LMO7: variants seen among roughly 807,000 people sequenced by gnomAD.
The protein encoded by LMO7 is LIM domain 7.
A neutral mutation model predicts 206.5 loss-of-function variants in LMO7; 120 were observed. The observed-to-expected ratio is 0.58, with a 90% CI of 0.50 to 0.68. The LOEUF is 0.68. Ranked by LOEUF, LMO7 falls within the 30% of genes least tolerant of loss-of-function variation. LMO7 has a pLI of 0.00. For missense variants in LMO7, 1,959 were observed against 1,957.9 expected (o/e 1.00, Z -0.01); for synonymous variants, 706 against 681.5 (o/e 1.04, Z -0.56).
Position 75,841,175 on chromosome 13 carries a change from A to G in LMO7, c.3649A>G (p.Arg1217Gly). ...GCAAAGGGCCAAACAGGAGGCAGAG[A>G]GAGAGAATTCCAAGTACTTGGATGA... is the stretch of plus-strand genomic sequence containing the variant. ...EWQRAKQEAERENSKYLDEEL... is the reference protein window; with the variant it reads ...EWQRAKQEAEGENSKYLDEEL... Residue 1217 changes from arginine (R) to glycine (G), a missense_variant, in exon 23 of 31, where the codon AGA becomes GGA. Arg to Gly is a moderately radical substitution (Grantham distance 125, BLOSUM62 -2). Coordinates refer to ENST00000377534, the MANE Select transcript of LMO7 (RefSeq NM_001306080.2). 1.2e-6 allele frequency: 2 copies of G among 1,612,870 alleles called. No homozygotes were observed. The highest frequency in any genetic ancestry group is 1.7e-6 in the Non-Finnish European group (2 of 1,178,888).
At chr13:75,724,547 CA>C (rs1466269171) in intron 2 of LMO7, among the ~76,000 whole-genome samples, 3 of 152,112 alleles carry the variant, frequency 2.0e-5, no homozygotes, top group Admixed American at 1.3e-4. Context: ...GCTTATTATG[CA>C]AAGAAGTTCT....
At chr13:75,843,198 C>G (rs2059692839) in intron 25 of LMO7, among the ~76,000 whole-genome samples, 1 of 152,210 alleles carries the variant, frequency 6.6e-6, no homozygotes, top group Non-Finnish European at 1.5e-5. Flanking sequence ...TACCTATTAA[C>G]TAGGCAGCTC....
chr13:75,757,910 G>T lies in LMO7; in HGVS notation c.211-3022G>T, dbSNP rs1017948130. Among the ~76,000 whole-genome samples the T allele has an allele frequency of 4.6e-5, 7 of 151,866 alleles. No individual in the cohort carries two copies. The South Asian group carries it at 8.3e-4, about 18-fold the overall frequency. On this transcript the variant is annotated intron_variant, in intron 3 of 30. Coordinates refer to ENST00000377534, the MANE Select transcript of LMO7 (RefSeq NM_001306080.2). ...CAGGGTTTACAGATGTTTAGAGCAG[G>T]ATTTTGACATGAAGTATTTTATGGA...
At chr13:75,646,800 G>C (rs544801336) in intron 1 of LMO7, among the ~76,000 whole-genome samples, 1 of 152,106 alleles carries the variant, frequency 6.6e-6, no homozygotes, top group African/African-American at 2.4e-5. Context: ...GATCAGGCTG[G>C]TCTCTAACTC....
At chr13:75,710,342 A>C (rs1214764339) in intron 1 of LMO7, among the ~76,000 whole-genome samples, 3 of 152,160 alleles carry the variant, frequency 2.0e-5, no homozygotes, top group East Asian at 1.9e-4. Flanking sequence ...GAAGAAAGGC[A>C]TTGGTAGCTT....
Position 75,855,335 on chromosome 13 carries a change from C to T in LMO7, c.4737C>T (p.Ser1579=). Residue 1579 remains serine, a synonymous_variant, in exon 29 of 31, where the codon TCC becomes TCT. Coordinates refer to ENST00000377534, the MANE Select transcript of LMO7 (RefSeq NM_001306080.2). ...AAGGAGCCGCCATGATCATCGAGTC[C>T]CTGGGTCTTTGTTATCATTTGCATT... ...LGKGAAMIIE[S]LGLCYHLHCF... is the part of the protein sequence containing the mutation. 1.2e-6 allele frequency: 2 copies of T among 1,613,508 alleles called. No homozygotes were observed. The highest frequency in any genetic ancestry group is 2.2e-5 in the South Asian group (2 of 91,054).
At chr13:75,830,994 A>AT (rs879847930) in intron 15 of LMO7, among the ~76,000 whole-genome samples, 198 of 146,984 alleles carry the variant, frequency 1.3e-3, no homozygotes, top group Middle Eastern at 3.6e-3. Context: ...TCTAAGTCAG[A>AT]TTTTTTTTTT....
At chr13:75,848,582 C>T (rs1429626022) in intron 26 of LMO7, among the ~76,000 whole-genome samples, 2 of 149,710 alleles carry the variant, frequency 1.3e-5, no homozygotes, top group African/African-American at 4.9e-5. Context: ...ATATCTTTTT[C>T]ATATAATGGC....
At chr13:75,787,682 A>T (rs926670883) in intron 4 of LMO7, among the ~76,000 whole-genome samples, 3 of 152,196 alleles carry the variant, frequency 2.0e-5, no homozygotes, top group Non-Finnish European at 4.4e-5. Flanking sequence ...TCACTTTAAT[A>T]GTTTCCACAA....
chr13:75,781,096 C>CTTTTTTTTTTTT (rs367937964), intron 4 of LMO7, among the ~76,000 whole-genome samples: 21 of 41,908 alleles, frequency 5.0e-4, no homozygotes, highest in East Asian at 2.1e-3. Context: ...CTCTATTTTC[C>CTTTTTTTTTTTT]TTTTTTTTTT....
chr13:75,846,789 C>G (rs1202491621), intron 26 of LMO7, among the ~76,000 whole-genome samples: 1 of 152,136 alleles, frequency 6.6e-6, no homozygotes, highest in East Asian at 1.9e-4. Flanking sequence ...CAAAATGACA[C>G]TTTAAAAAGA....
intron 1 of LMO7, among the ~76,000 whole-genome samples, chr13:75,667,075 G>A (rs964083865): frequency 1.3e-5 from 2 of 151,804 alleles, no homozygotes; most frequent in Non-Finnish European, 2.9e-5. Context: ...TTTTTTCTTT[G>A]AGCAGTGGTT....
At chr13:75,747,286 C>A (rs2139336465) in intron 3 of LMO7, among the ~76,000 whole-genome samples, 1 of 152,230 alleles carries the variant, frequency 6.6e-6, no homozygotes, top group South Asian at 2.1e-4. Flanking sequence ...TTCTCTATAT[C>A]CAGCTTACTT....
chr13:75,811,058 G>C (rs1158075480), intron 11 of LMO7, among the ~76,000 whole-genome samples: 1 of 152,202 alleles, frequency 6.6e-6, no homozygotes, highest in African/African-American at 2.4e-5. Flanking sequence ...ATGTCAAACA[G>C]TGGGAAGTAT....
intron 3 of LMO7, among the ~76,000 whole-genome samples, chr13:75,757,818 GTGTGTGTGTGTGTGTGTGTGTGTA>G (rs2047801371): frequency 1.0e-5 from 1 of 95,522 alleles, no homozygotes; most frequent in Non-Finnish European, 2.1e-5. Flanking sequence ...GTGTGTGTGT[GTGTGTGTGTGTGTGTGTGTGTGTA>G]TGTTGGTTTG....
rs2057362237 is a variant in LMO7, at chr13:75,819,401, A to G, written c.2073A>G (p.Ala691=). The G allele has an allele frequency of 6.2e-7, 1 of 1,604,122 alleles. No individual in the cohort carries two copies. Residue 691 remains alanine, a synonymous_variant, in exon 13 of 31, where the codon GCA becomes GCG. Coordinates refer to ENST00000377534, the MANE Select transcript of LMO7 (RefSeq NM_001306080.2). The part of the protein sequence containing the change: ...EQDQKWQDDL[A]KWKDRRKSYT... ...TGTGATTTTTCTGTCAGGACCTTGC[A>G]AAATGGAAAGATCGTCGAAAAAGTT...
chr13:75,758,426 T>C (rs2047866444), intron 3 of LMO7, among the ~76,000 whole-genome samples: 1 of 152,192 alleles, frequency 6.6e-6, no homozygotes, highest in Non-Finnish European at 1.5e-5. Flanking sequence ...ATTACCAATC[T>C]TAGTACAACC....
At chr13:75,662,104 A>G (rs1436011242) in intron 1 of LMO7, among the ~76,000 whole-genome samples, 1 of 152,182 alleles carries the variant, frequency 6.6e-6, no homozygotes, top group African/African-American at 2.4e-5. Context: ...AACTTTATGG[A>G]TCAAGACTTA....
intron 15 of LMO7, among the ~76,000 whole-genome samples, chr13:75,832,174 T>C (rs748127997): frequency 2.6e-5 from 4 of 152,176 alleles, no homozygotes; most frequent in Non-Finnish European, 5.9e-5. Flanking sequence ...AAACAAAATA[T>C]GTAAATTACA....
Sources: allele counts gnomAD v4.1 joint callset (sites outside exome capture counted in the v4.1 genomes callset), GRCh38; gene constraint gnomAD v4.1.1; transcripts MANE v1.5; gene names NCBI Gene and HGNC (gene_info 2026-07-23, HGNC 2026-07-21).